PLCXD2: variants seen among roughly 807,000 people sequenced by gnomAD.
PLCXD2 encodes the protein phosphatidylinositol specific phospholipase C X domain containing 2.
PLCXD2 carries 21 observed loss-of-function variants against 28.6 expected under a neutral mutation model. The observed-to-expected ratio is 0.73, with a 90% CI of 0.52 to 1.06. PLCXD2 has a LOEUF of 1.06. Among genes scored for constraint, PLCXD2 ranks in the 50% least tolerant of loss-of-function variants. The pLI is 0.00. For missense variants in PLCXD2, 369 were observed against 376.7 expected, an observed-to-expected ratio of 0.98 and a Z score of 0.17; for synonymous variants, 140 against 150.1, an observed-to-expected ratio of 0.93 and a Z score of 0.49.
chr3:111,701,714 A>G (rs10511301), intron 1 of PLCXD2, among the ~76,000 whole-genome samples: 34,469 of 152,106 alleles, frequency 0.23, 5,842 homozygotes, highest in African/African-American at 0.47. Context: ...GAGTCTATCA[A>G]TGAGAACAGT....
chr3:111,705,213 T>C (rs1188160374), intron 1 of PLCXD2, among the ~76,000 whole-genome samples: 1 of 152,232 alleles, frequency 6.6e-6, no homozygotes, highest in Non-Finnish European at 1.5e-5. Context: ...TCTATTTCTG[T>C]GAACTCCAAA....
chr3:111,695,726 A>G (rs7628128), intron 1 of PLCXD2, among the ~76,000 whole-genome samples: 8,712 of 152,292 alleles, frequency 0.057, 471 homozygotes, highest in African/African-American at 0.14. Flanking sequence ...TGGCTAAGTG[A>G]CTAATGGTTG....
At chr3:111,684,245 G>A (rs1456288356) in intron 1 of PLCXD2, among the ~76,000 whole-genome samples, 1 of 150,138 alleles carries the variant, frequency 6.7e-6, no homozygotes, top group Admixed American at 6.7e-5. Context: ...CAGGAGAATC[G>A]CTTGAACCCG....
chr3:111,723,045 T>C (rs2107878409), intron 3 of PLCXD2: 1 of 152,362 alleles, frequency 6.6e-6, no homozygotes, highest in South Asian at 2.1e-4. Context: ...ATTCTGATGC[T>C]AAATGCTAAT....
intron 1 of PLCXD2, among the ~76,000 whole-genome samples, 195 bp downstream of exon 1, chr3:111,675,603 C>T (rs940605327): frequency 3.3e-5 from 5 of 152,190 alleles, no homozygotes; most frequent in Non-Finnish European, 5.9e-5. Flanking sequence ...TAAAAGGACT[C>T]ATGAAAACAG....
chr3:111,726,291 TTGC>T (rs1203827738), intron 3 of PLCXD2: 1 of 156,790 alleles, frequency 6.4e-6, no homozygotes, highest in Non-Finnish European at 1.4e-5. Flanking sequence ...TAGTGGTACC[TTGC>T]TGCTATTATA....
intron 3 of PLCXD2, among the ~76,000 whole-genome samples, chr3:111,719,757 T>G (rs1436318804): frequency 6.6e-6 from 1 of 152,200 alleles, no homozygotes; most frequent in Non-Finnish European, 1.5e-5. Flanking sequence ...CAGGTGTTGA[T>G]GAGGAAGGGG....
intron 1 of PLCXD2, among the ~76,000 whole-genome samples, chr3:111,687,026 A>G (rs1029863699): frequency 5.9e-5 from 9 of 152,206 alleles, no homozygotes; most frequent in African/African-American, 2.2e-4. Context: ...AGTTTGGGAA[A>G]GGATCAGGAG....
chr3:111,702,330 A>G (rs1941055063), intron 1 of PLCXD2, among the ~76,000 whole-genome samples: 1 of 152,180 alleles, frequency 6.6e-6, no homozygotes, highest in Non-Finnish European at 1.5e-5. Flanking sequence ...GAATTAGAGT[A>G]GCAACAGAAG....
At position 111,683,849 on chromosome 3, in the gene PLCXD2, C is replaced by T. The variant is rs78257889; in HGVS notation, c.163+8441C>T. Among the ~76,000 whole-genome samples the T allele has an allele frequency of 2.4e-3, 359 of 152,174 alleles. 1 individual carries two copies. The highest frequency in any genetic ancestry group is 8.4e-3 in the African/African-American group (350 of 41,506). ...TGAATAAACTAAACCCTGAAAAATA[C>T]ACAGAAATTAGCCCTCAGGATAAGA... is the stretch of plus-strand genomic sequence containing the variant. On this transcript the variant is annotated intron_variant, in intron 1 of 4. Transcript: ENST00000477665.
intron 1 of PLCXD2, among the ~76,000 whole-genome samples, chr3:111,704,189 G>A (rs183483777): frequency 6.6e-6 from 1 of 152,298 alleles, no homozygotes; most frequent in East Asian, 1.9e-4. Context: ...GAATTCTGAT[G>A]GTAATATTGC....
chr3:111,722,212 T>TTTATTTAC (rs1941356702), intron 3 of PLCXD2: 1 of 151,984 alleles, frequency 6.6e-6, no homozygotes, highest in Non-Finnish European at 1.5e-5. Flanking sequence ...TATTTATTTA[T>TTTATTTAC]TTATAGATTA....
rs769071399 is a variant in PLCXD2, at chr3:111,675,280, G to T, written c.35G>T (p.Arg12Met). 1 of 1,614,162 alleles carries T rather than the reference G, an allele frequency of 6.2e-7. No homozygotes were observed. Among genetic ancestry groups the T allele is most frequent in the East Asian group, 2.2e-5 (1 of 44,876 alleles). ...GTTAGGAAGGCCAGGAGGAAACTCA[G>T]GATGGGGACCATCTGCTCCCCCAAC... is the stretch of plus-strand genomic sequence containing the variant. Residue 12 changes from arginine to methionine, a missense_variant, in exon 1 of 5, where the codon AGG becomes ATG. Arg to Met is a moderately conservative substitution (Grantham distance 91). Coordinates refer to ENST00000477665, the MANE Select transcript of PLCXD2 (RefSeq NM_001185106.1).
intron 1 of PLCXD2, among the ~76,000 whole-genome samples, chr3:111,701,809 A>T (rs1167939278): frequency 1.3e-5 from 2 of 152,082 alleles, no homozygotes; most frequent in Non-Finnish European, 2.9e-5. Context: ...TTAAATGAAG[A>T]CGGTGAGAGA....
At chr3:111,703,326 G>T (rs908713483) in intron 1 of PLCXD2, among the ~76,000 whole-genome samples, 8 of 152,178 alleles carry the variant, frequency 5.3e-5, no homozygotes, top group Admixed American at 5.2e-4. Flanking sequence ...AAATATACAT[G>T]CTCTCCCTCT....
At chr3:111,726,464 G>A (rs868706184) in intron 3 of PLCXD2, 2 of 152,154 alleles carry the variant, frequency 1.3e-5, no homozygotes, top group Non-Finnish European at 2.9e-5. Flanking sequence ...CAATTCAGAT[G>A]ATACGTGAAC....
chr3:111,675,993 T>G (rs1238315825), intron 1 of PLCXD2, among the ~76,000 whole-genome samples: 4 of 152,206 alleles, frequency 2.6e-5, no homozygotes, highest in Non-Finnish European at 1.5e-5. Context: ...TGGTGGTGTT[T>G]GAAGCTTTGT....
chr3:111,696,198 A>G (rs1940958496), intron 1 of PLCXD2, among the ~76,000 whole-genome samples: 1 of 152,208 alleles, frequency 6.6e-6, no homozygotes, highest in African/African-American at 2.4e-5. Context: ...TTTTATAAGC[A>G]TGATACTGCT....
At chr3:111,717,937 C>G (rs772866423) in intron 3 of PLCXD2, among the ~76,000 whole-genome samples, 1 of 152,100 alleles carries the variant, frequency 6.6e-6, no homozygotes, top group Non-Finnish European at 1.5e-5. Context: ...TAGTTTCTTA[C>G]TCCCAGCCAC....
Sources: allele counts gnomAD v4.1 joint callset (sites outside exome capture counted in the v4.1 genomes callset), GRCh38; gene constraint gnomAD v4.1.1; transcripts MANE v1.5; gene names NCBI Gene and HGNC (gene_info 2026-07-23, HGNC 2026-07-21).